The following NDC80 variants were observed in gnomAD, a reference collection of about 807,000 sequenced individuals.
The protein encoded by NDC80 is kinetochore protein NDC80 homolog.
In NDC80, 69 loss-of-function variants were observed where a neutral mutation model predicts 89.3. The observed-to-expected ratio is 0.77, with a 90% confidence interval of 0.64 to 0.94. The LOEUF (loss-of-function observed/expected upper bound fraction) is 0.94. Ranked by LOEUF, NDC80 falls within the 40% of genes least tolerant of loss-of-function variation. The pLI, the probability that NDC80 is intolerant of heterozygous loss-of-function variation, is 0.00. For synonymous variants in NDC80, 243 were observed against 255.6 expected (o/e 0.95, Z 0.47); for missense variants, 593 against 739.6 (o/e 0.80, Z 2.30).
At chr18:2,588,148 G>A (rs111380297) in intron 8 of NDC80, among the ~76,000 whole-genome samples, 7,757 of 152,148 alleles carry the variant, frequency 0.051, 646 homozygotes, top group African/African-American at 0.18. Flanking sequence ...TGTCTGTGGC[G>A]CCTTAATAAA....
chr18:2,582,197 C>T (rs2072581979), intron 6 of NDC80: 1 of 152,340 alleles, frequency 6.6e-6, no homozygotes, highest in Non-Finnish European at 1.5e-5. Flanking sequence ...ATGCCTCAGC[C>T]TCCCAAGTAG....
chr18:2,577,404 A>G (rs2072552456), intron 3 of NDC80: 1 of 190,982 alleles, frequency 5.2e-6, no homozygotes, highest in African/African-American at 2.4e-5. Flanking sequence ...TTTAGTAGAG[A>G]CGAGGTTTCA....
intron 10 of NDC80, among the ~76,000 whole-genome samples, chr18:2,592,117 G>A (rs2072630796): frequency 6.6e-6 from 1 of 152,172 alleles, no homozygotes; most frequent in African/African-American, 2.4e-5. Context: ...CAAGAGAATT[G>A]TCATACATCC....
intron 6 of NDC80, among the ~76,000 whole-genome samples, chr18:2,580,691 C>CATGG (rs111945643): frequency 9.7e-5 from 14 of 144,870 alleles, no homozygotes; most frequent in African/African-American, 3.5e-4. Flanking sequence ...CGGTGATGCC[C>CATGG]ATGGACATTT....
At chr18:2,599,529 A>T (rs1174701752) in intron 12 of NDC80, among the ~76,000 whole-genome samples, 2 of 152,182 alleles carry the variant, frequency 1.3e-5, no homozygotes, top group African/African-American at 4.8e-5. Context: ...GACTCTGGAG[A>T]TGGTAACCGT....
rs1362738664 is a variant in NDC80, at chr18:2,585,200, A to G, written c.667A>G (p.Lys223Glu). 9 of 1,604,360 alleles carry G rather than the reference A, an allele frequency of 5.6e-6. No homozygotes were observed. The highest frequency in any genetic ancestry group is 7.7e-6 in the Non-Finnish European group (9 of 1,171,578). The change falls in exon 7 of 17, where the codon AAG becomes GAG. Residue 223 changes from lysine (K) to glutamate (E), a missense_variant and splice_region_variant. Lys to Glu is a moderately conservative substitution (Grantham distance 56). Coordinates refer to ENST00000261597, the MANE Select transcript of NDC80 (RefSeq NM_006101.3). ...AACTGAAGATGGAATTATGCATAATAAGGTACCATGTATTATCATAAACTG... is the reference window on the plus strand; with the variant it reads ...AACTGAAGATGGAATTATGCATAATGAGGTACCATGTATTATCATAAACTG... ...EETEDGIMHN[K>E]LFLDYTIKCY...
chr18:2,602,354 CAGAAAAAT>C (rs938388060), intron 13 of NDC80, among the ~76,000 whole-genome samples: 2 of 152,006 alleles, frequency 1.3e-5, no homozygotes, highest in Non-Finnish European at 2.9e-5. Flanking sequence ...TTTACATTCT[CAGAAAAAT>C]AGAAAAATTT....
At position 2,595,589 on chromosome 18, in the gene NDC80, G is replaced by A; in HGVS notation, c.1189G>A (p.Glu397Lys). 1.2e-6 allele frequency: 2 copies of A among 1,613,594 alleles called. No homozygotes were observed. The highest frequency in any genetic ancestry group is 8.5e-7 in the Non-Finnish European group (1 of 1,179,672). Residue 397 changes from glutamate (E) to lysine (K), a missense_variant, in exon 11 of 17, where the codon GAG becomes AAG. By Grantham distance (56) the Glu-to-Lys change is moderately conservative. Coordinates refer to ENST00000261597, the MANE Select transcript of NDC80 (RefSeq NM_006101.3). ...LEAEQQKLWN[E>K]ELKYARGKEA... is the part of the protein sequence containing the mutation. The stretch of plus-strand genomic sequence containing the variant: ...AGCTGAACAACAGAAGTTGTGGAAT[G>A]AGGAGTTAAAATATGCCAGAGGCAA...
At chr18:2,572,613 G>A (rs574941370) in intron 1 of NDC80, among the ~76,000 whole-genome samples, 81 of 152,290 alleles carry the variant, frequency 5.3e-4, no homozygotes, top group Middle Eastern at 3.4e-3. Context: ...AATAGGCACA[G>A]CCAACAGCAG....
In NDC80 at chr18:2,606,419, A is replaced by G. The variant is rs768325852; in HGVS notation, c.1469A>G (p.Asn490Ser). The change falls in exon 14 of 17, where the codon AAT becomes AGT. Residue 490 changes from asparagine to serine, a missense_variant. By Grantham distance (46) the Asn-to-Ser change is conservative. Coordinates refer to ENST00000261597, the MANE Select transcript of NDC80 (RefSeq NM_006101.3). ...MGLEDTLEQL[N>S]AMITESKRSV... ...ACCAAAGTTTTATTTCCCCAGTTGA[A>G]TGCAATGATAACAGAAAGCAAGAGA... 2.5e-6 allele frequency: 4 copies of G among 1,596,984 alleles called. No individual in the cohort carries two copies. In the South Asian group the frequency reaches 4.5e-5, roughly 18 times the overall value.
chr18:2,616,374 A>C lies in NDC80; in HGVS notation c.1792-63A>C, dbSNP rs1450399086. ...TTATCCTCTTGTTTGTAAATTTTAC[A>C]ATTAAACATTTTAAAAGAAATTAAT... On this transcript the variant is annotated intron_variant, in intron 16 of 16. Transcript: ENST00000261597. 17 of 1,176,334 alleles carry C rather than the reference A, an allele frequency of 1.4e-5. No individual in the cohort carries two copies. The African/African-American group carries it at 2.7e-4, about 19-fold the overall frequency. The allele number at this position is 1,176,334 out of a possible 1,614,324, so 72.9% of individuals were successfully genotyped here.
chr18:2,578,146 G>A lies in NDC80; in HGVS notation c.476+5G>A, dbSNP rs369647492. ...AAGAATCTTTAAAGACCTTGGGTAT[G>A]TATATTTCTTATTAGTTTAGAGACA... On this transcript the variant is annotated splice_donor_5th_base_variant and intron_variant, in intron 5 of 16. Coordinates refer to ENST00000261597, the MANE Select transcript of NDC80 (RefSeq NM_006101.3). 41 of 1,609,864 alleles carry A rather than the reference G, an allele frequency of 2.5e-5. No individual in the cohort carries two copies. The highest frequency in any genetic ancestry group is 3.3e-4 in the Middle Eastern group (2 of 6,032).
intron 14 of NDC80, among the ~76,000 whole-genome samples, chr18:2,607,565 C>A (rs2072718473): frequency 6.6e-6 from 1 of 152,138 alleles, no homozygotes; most frequent in African/African-American, 2.4e-5. Flanking sequence ...AACTTCACTA[C>A]TGAATTCTAG....
Position 2,593,013 on chromosome 18 carries a change from G to GGTGTGTGTGTGT in NDC80, c.1016-2372_1016-2361dup, listed in dbSNP as rs56851912. On this transcript the variant is annotated intron_variant, in intron 10 of 16. Coordinates refer to ENST00000261597, the MANE Select transcript of NDC80 (RefSeq NM_006101.3). ...TGTCAGTAAAATATGAATAAACTCT[G>GGTGTGTGTGTGT]GTGTGTGTGTGTGTGTGTGTGTGTG... Among the ~76,000 whole-genome samples the GGTGTGTGTGTGT allele has an allele frequency of 4.3e-3, 463 of 108,428 alleles. 9 individuals carry two copies. Among genetic ancestry groups the GGTGTGTGTGTGT allele is most frequent in the East Asian group, 0.022 (77 of 3,524 alleles). The allele number at this position is 108,428 out of a possible 152,430, so 71.1% of individuals were successfully genotyped here. A position where few individuals can be genotyped will look rare whatever the true frequency, so the allele number is the denominator to read the frequency against.
intron 14 of NDC80, among the ~76,000 whole-genome samples, chr18:2,608,075 G>T (rs1161946858): frequency 2.8e-5 from 4 of 141,198 alleles, no homozygotes; most frequent in Non-Finnish European, 1.5e-5. Flanking sequence ...GAATATCTTT[G>T]TATATCTTTA....
At chr18:2,603,351 T>TATATATATATATATA (rs2072693587) in intron 13 of NDC80, among the ~76,000 whole-genome samples, 1 of 80,914 alleles carries the variant, frequency 1.2e-5, no homozygotes, top group African/African-American at 5.0e-5. Context: ...GAGAATATGT[T>TATATATATATATATA]TATACATATA....
chr18:2,602,973 G>A (rs1158561353), intron 13 of NDC80, among the ~76,000 whole-genome samples: 1 of 152,182 alleles, frequency 6.6e-6, no homozygotes, highest in Non-Finnish European at 1.5e-5. Flanking sequence ...TGAGGAGAAA[G>A]AAGTATCAAC....
intron 5 of NDC80, 113 bp downstream of exon 5, chr18:2,578,254 C>A: frequency 9.9e-7 from 1 of 1,006,692 alleles, no homozygotes; most frequent in Non-Finnish European, 1.5e-6. Flanking sequence ...AAGATGACCA[C>A]TGTGGGCAAT....
At chr18:2,573,218 A>T (rs1353344016) in intron 2 of NDC80, 132 bp downstream of exon 2, 1 of 657,028 alleles carries the variant, frequency 1.5e-6, no homozygotes, top group African/African-American at 1.8e-5. Flanking sequence ...AGGGGTACCT[A>T]ATTTTGGATC....
Sources: allele counts gnomAD v4.1 joint callset (sites outside exome capture counted in the v4.1 genomes callset), GRCh38; gene constraint gnomAD v4.1.1; transcripts MANE v1.5; gene names NCBI Gene and HGNC (gene_info 2026-07-23, HGNC 2026-07-21).